The following CAMTA1 variants were observed in gnomAD, a reference collection of about 807,000 sequenced individuals.
The protein encoded by CAMTA1 is calmodulin-binding transcription activator 1.
CAMTA1 carries 27 observed loss-of-function variants against 170.9 expected under a neutral mutation model. The observed-to-expected ratio is 0.16, with a 90% CI of 0.12 to 0.22. CAMTA1 has a LOEUF of 0.22. Among genes scored for constraint, CAMTA1 ranks in the 10% least tolerant of loss-of-function variants. The pLI is 1.00. For missense variants in CAMTA1, 1,619 were observed against 2,217.2 expected (o/e 0.73, Z 5.42); for synonymous variants, 833 against 891.5 (o/e 0.93, Z 1.17).
intron 5 of CAMTA1, among the ~76,000 whole-genome samples, chr1:7,374,959 G>T (rs927112352): frequency 6.6e-6 from 1 of 152,176 alleles, no homozygotes. Context: ...GCTTTCAATG[G>T]CTGCACCCTG....
At chr1:7,396,858 G>C (rs2089353285) in intron 5 of CAMTA1, among the ~76,000 whole-genome samples, 2 of 152,150 alleles carry the variant, frequency 1.3e-5, no homozygotes, top group African/African-American at 4.8e-5. Context: ...CTTGATCATG[G>C]TTAATGATCT....
At chr1:7,337,595 A>T (rs112693740) in intron 5 of CAMTA1, among the ~76,000 whole-genome samples, 4 of 123,468 alleles carry the variant, frequency 3.2e-5, no homozygotes, top group African/African-American at 1.4e-4. Flanking sequence ...CAGTGTGGGC[A>T]GTGGGCCTCA....
At chr1:7,571,504 T>C (rs1034483235) in intron 6 of CAMTA1, among the ~76,000 whole-genome samples, 1 of 152,190 alleles carries the variant, frequency 6.6e-6, no homozygotes, top group Non-Finnish European at 1.5e-5. Context: ...TGCCTTCAGG[T>C]AGGCCCCAAT....
At chr1:7,237,029 C>G (rs1194115641) in intron 4 of CAMTA1, among the ~76,000 whole-genome samples, 1 of 152,234 alleles carries the variant, frequency 6.6e-6, no homozygotes, top group Non-Finnish European at 1.5e-5. Flanking sequence ...GCAGTTGGAA[C>G]TGCATGAACT....
chr1:7,544,286 C>T (rs988130060), intron 6 of CAMTA1, among the ~76,000 whole-genome samples: 1 of 152,186 alleles, frequency 6.6e-6, no homozygotes, highest in Non-Finnish European at 1.5e-5. Context: ...TTCACTACCA[C>T]GAGAACAGTA....
At chr1:7,373,884 T>C (rs1361286961) in intron 5 of CAMTA1, among the ~76,000 whole-genome samples, 1 of 152,198 alleles carries the variant, frequency 6.6e-6, no homozygotes, top group Non-Finnish European at 1.5e-5. Flanking sequence ...CTGAGAACAA[T>C]GATTTATTCC....
At chr1:7,495,953 G>GC (rs959103169) in intron 6 of CAMTA1, among the ~76,000 whole-genome samples, 1 of 152,156 alleles carries the variant, frequency 6.6e-6, no homozygotes, top group Non-Finnish European at 1.5e-5. Context: ...GCACCTCCTG[G>GC]CCATCGTTTC....
intron 5 of CAMTA1, among the ~76,000 whole-genome samples, chr1:7,367,256 G>A (rs1392221925): frequency 2.6e-5 from 4 of 152,170 alleles, no homozygotes; most frequent in Non-Finnish European, 4.4e-5. Flanking sequence ...CTTTCAGAGC[G>A]AAAGGTCCAA....
At chr1:7,039,385 G>A (rs71637364) in intron 3 of CAMTA1, among the ~76,000 whole-genome samples, 6,548 of 152,302 alleles carry the variant, frequency 0.043, 190 homozygotes, top group Non-Finnish European at 0.065. Context: ...CAGAAATGGA[G>A]CATTCTTTGG....
Position 6,934,561 on chromosome 1 carries a change from G to A in CAMTA1, c.234+109351G>A, listed in dbSNP as rs1684981522. Among the ~76,000 whole-genome samples the A allele has an allele frequency of 6.6e-6, 1 of 152,218 alleles. No homozygotes were observed. Among genetic ancestry groups the A allele is most frequent in the South Asian group, 2.1e-4 (1 of 4,830 alleles). ...GTGGACCCGCTTGGGCTAGCTGCGT[G>A]TCTCTGTGTGTTGCTGGCTGTGACA... On this transcript the variant is annotated intron_variant, in intron 3 of 22. Transcript: ENST00000303635. The surrounding 1 kb of genome is among the most constrained non-coding windows in gnomAD (Gnocchi z 4.5).
intron 6 of CAMTA1, among the ~76,000 whole-genome samples, chr1:7,626,374 A>G (rs1472610710): frequency 1.3e-5 from 2 of 152,186 alleles, no homozygotes; most frequent in Non-Finnish European, 2.9e-5. Flanking sequence ...GAGCAGAGGA[A>G]GGGTGGCCCC....
intron 3 of CAMTA1, among the ~76,000 whole-genome samples, chr1:6,991,561 G>T (rs1259325466): frequency 2.6e-5 from 4 of 152,162 alleles, no homozygotes; most frequent in Non-Finnish European, 1.5e-5. Flanking sequence ...ATTAAACATC[G>T]TGGATTTCCC....
At chr1:7,254,270 G>A (rs1405235110) in intron 5 of CAMTA1, among the ~76,000 whole-genome samples, 8 of 152,128 alleles carry the variant, frequency 5.3e-5, no homozygotes, top group Admixed American at 2.0e-4. Flanking sequence ...CGGCCCTCTC[G>A]GCTCTTAAGG....
At chr1:6,798,447 C>A (rs1052723763) in intron 1 of CAMTA1, among the ~76,000 whole-genome samples, 1 of 152,042 alleles carries the variant, frequency 6.6e-6, no homozygotes, top group East Asian at 1.9e-4. Flanking sequence ...ATTTATTTAT[C>A]TTTTGAGACA....
intron 3 of CAMTA1, among the ~76,000 whole-genome samples, chr1:6,900,037 C>T (rs145015663): frequency 1.3e-5 from 2 of 152,358 alleles, no homozygotes; most frequent in African/African-American, 4.8e-5. Flanking sequence ...TCAACAGCCC[C>T]ACTCCCTGCA....
In CAMTA1 at chr1:7,044,557, C is replaced by G. The variant is rs1705043961; in HGVS notation, c.235-46747C>G. On this transcript the variant is annotated intron_variant, in intron 3 of 22. Transcript: ENST00000303635. The surrounding 1 kb of genome is among the most constrained non-coding windows in gnomAD (Gnocchi z 5.0). The stretch of plus-strand genomic sequence containing the variant: ...GCTAGGAAGGCACATGCGTGATTAG[C>G]AGATGGGTGATGGGGCCTCTAGCGG... Among the ~76,000 whole-genome samples the G allele has an allele frequency of 6.6e-6, 1 of 152,192 alleles. No individual in the cohort carries two copies. The highest frequency in any genetic ancestry group is 1.5e-5 in the Non-Finnish European group (1 of 68,024).
chr1:7,470,639 G>C (rs941476331), intron 6 of CAMTA1, among the ~76,000 whole-genome samples: 1 of 152,174 alleles, frequency 6.6e-6, no homozygotes, highest in Admixed American at 6.5e-5. Flanking sequence ...CCTGCAGGGG[G>C]TGAGCCTTCT....
chr1:7,487,791 C>T (rs1366068776), intron 6 of CAMTA1, among the ~76,000 whole-genome samples: 1 of 152,202 alleles, frequency 6.6e-6, no homozygotes, highest in Admixed American at 6.5e-5. Flanking sequence ...AGGAAGGGAT[C>T]CCAGGCCCTT....
intron 7 of CAMTA1, among the ~76,000 whole-genome samples, chr1:7,648,937 C>T (rs1468334074): frequency 6.6e-6 from 1 of 152,232 alleles, no homozygotes; most frequent in Non-Finnish European, 1.5e-5. Flanking sequence ...GCAGGACCAG[C>T]ACCTCTTTGG....
Sources: allele counts gnomAD v4.1 joint callset (sites outside exome capture counted in the v4.1 genomes callset), GRCh38; gene constraint gnomAD v4.1.1; non-coding constraint Gnocchi (gnomAD v3.1); transcripts MANE v1.5; gene names NCBI Gene and HGNC (gene_info 2026-07-23, HGNC 2026-07-21).